SPATS2: variants seen among roughly 807,000 people sequenced by gnomAD.
SPATS2 encodes the protein spermatogenesis associated serine rich 2, also known as spermatogenesis-associated serine-rich protein 2.
Under a neutral mutation model 63.7 loss-of-function variants are expected in SPATS2, and 38 were observed. That is an observed-to-expected ratio of 0.60 (90% confidence interval 0.46 to 0.78). SPATS2 has a LOEUF of 0.78. SPATS2 is among the 30% of genes least tolerant of loss of function. The pLI, the probability that SPATS2 is intolerant of heterozygous loss-of-function variation, is 0.00. For missense variants in SPATS2, 588 were observed against 666.2 expected (o/e 0.88, Z 1.29); for synonymous variants, 207 against 232.9 (o/e 0.89, Z 1.01).
chr12:49,503,298 T>C (rs1261769704), intron 9 of SPATS2, among the ~76,000 whole-genome samples: 3 of 145,288 alleles, frequency 2.1e-5, no homozygotes, highest in African/African-American at 5.1e-5. Flanking sequence ...TGCAGTGAGC[T>C]GAGATCGCGC....
At chr12:49,426,461 C>T (rs59113232) in intron 2 of SPATS2, among the ~76,000 whole-genome samples, 1 of 152,294 alleles carries the variant, frequency 6.6e-6, no homozygotes, top group East Asian at 1.9e-4. Flanking sequence ...GCAGCATGCA[C>T]TATTTTGCAC....
chr12:49,398,890 G>T (rs1409727575), intron 2 of SPATS2, among the ~76,000 whole-genome samples: 1 of 152,136 alleles, frequency 6.6e-6, no homozygotes, highest in Non-Finnish European at 1.5e-5. Flanking sequence ...GTTTGAAAAG[G>T]TCTATTTCTG....
chr12:49,481,182 A>G (rs1179607176), intron 3 of SPATS2, among the ~76,000 whole-genome samples: 8 of 152,196 alleles, frequency 5.3e-5, no homozygotes, highest in Non-Finnish European at 2.9e-5. Context: ...CAACATGGTG[A>G]AACCCTGTCT....
At chr12:49,373,430 G>A (rs781574048) in intron 2 of SPATS2, among the ~76,000 whole-genome samples, 4 of 152,202 alleles carry the variant, frequency 2.6e-5, no homozygotes, top group Non-Finnish European at 5.9e-5. Flanking sequence ...TAGGTGGTCT[G>A]TCTGAAACCC....
At chr12:49,454,454 C>T (rs988115762) in intron 2 of SPATS2, 1 of 152,210 alleles carries the variant, frequency 6.6e-6, no homozygotes, top group Non-Finnish European at 1.5e-5. Context: ...GAACAAAACT[C>T]ACTTAAAGTC....
chr12:49,444,593 T>C (rs1014718952), intron 2 of SPATS2, among the ~76,000 whole-genome samples: 2 of 152,100 alleles, frequency 1.3e-5, no homozygotes, highest in Non-Finnish European at 2.9e-5. Flanking sequence ...AGTATATAGA[T>C]ATACCATTAC....
intron 2 of SPATS2, among the ~76,000 whole-genome samples, chr12:49,400,437 CTG>C (rs1326666392): frequency 3.9e-5 from 6 of 152,040 alleles, no homozygotes; most frequent in African/African-American, 1.2e-4. Flanking sequence ...AGTGAGATAA[CTG>C]AGAGTATGTT....
At chr12:49,436,250 G>T (rs1184346970) in intron 2 of SPATS2, among the ~76,000 whole-genome samples, 2 of 149,272 alleles carry the variant, frequency 1.3e-5, no homozygotes, top group East Asian at 2.0e-4. Flanking sequence ...CTCCCGGACG[G>T]GGCGGCTGGC....
chr12:49,525,249 C>T (rs772703190), intron 13 of SPATS2, among the ~76,000 whole-genome samples: 63 of 152,186 alleles, frequency 4.1e-4, no homozygotes, highest in Admixed American at 9.2e-4. Context: ...AAAGCAGCAG[C>T]TCCCTAGAAG....
chr12:49,470,220 C>T (rs1049212377), intron 3 of SPATS2, among the ~76,000 whole-genome samples: 50 of 152,032 alleles, frequency 3.3e-4, no homozygotes, highest in Admixed American at 1.1e-3. Flanking sequence ...TTAGTAGAGA[C>T]GGGTTTTCAT....
chr12:49,481,816 A>T (rs1216646552), intron 3 of SPATS2, among the ~76,000 whole-genome samples: 1 of 151,910 alleles, frequency 6.6e-6, no homozygotes, highest in Non-Finnish European at 1.5e-5. Context: ...TTTTTACCTG[A>T]ACACCCAGGA....
intron 2 of SPATS2, among the ~76,000 whole-genome samples, chr12:49,372,991 T>TGTGTGTGA (rs1366314962): frequency 8.0e-6 from 1 of 124,780 alleles, no homozygotes; most frequent in African/African-American, 3.3e-5. Context: ...TGTGTGTGTG[T>TGTGTGTGA]GATGGAGTTT....
At chr12:49,441,948 A>G (rs11169017) in intron 2 of SPATS2, 44,548 of 152,048 alleles carry the variant, frequency 0.29, 8,783 homozygotes, top group African/African-American at 0.56. Flanking sequence ...AGCGCACACA[A>G]TTCTGACAGG....
At position 49,494,819 on chromosome 12, in the gene SPATS2, A is replaced by T. The variant is rs914843281; in HGVS notation, c.343A>T (p.Ile115Phe). 2 of 1,613,790 alleles carry T rather than the reference A, an allele frequency of 1.2e-6. No homozygotes were observed. Among genetic ancestry groups the T allele is most frequent in the African/African-American group, 2.7e-5 (2 of 75,010 alleles). ...CCCAGATTCCAGTAAATCAGTTTCC[A>T]TTCAAGAGGAACAGTCTGCGCCTTC... ...GIPDSSKSVS[I>F]QEEQSAPSSE... is the part of the protein sequence containing the mutation. Residue 115 changes from isoleucine (I) to phenylalanine (F), a missense_variant, in exon 7 of 14, where the codon ATT (isoleucine) becomes TTT (phenylalanine). Physicochemically the swap from Ile to Phe is conservative, Grantham distance 21. Transcript: ENST00000552918.
At chr12:49,514,741 C>A (rs1265002844) in intron 10 of SPATS2, 128 bp downstream of exon 10, 3 of 761,886 alleles carry the variant, frequency 3.9e-6, no homozygotes, top group African/African-American at 3.5e-5. Flanking sequence ...TAATCTTAAG[C>A]AGTTGCACTG....
chr12:49,488,572 C>T (rs931452745), intron 4 of SPATS2, among the ~76,000 whole-genome samples: 29 of 152,102 alleles, frequency 1.9e-4, no homozygotes, highest in African/African-American at 5.8e-4. Flanking sequence ...GCACGAGAAT[C>T]GCTTGAACCT....
chr12:49,470,140 T>C (rs923569390), intron 3 of SPATS2, among the ~76,000 whole-genome samples: 5 of 152,014 alleles, frequency 3.3e-5, no homozygotes, highest in Non-Finnish European at 7.4e-5. Flanking sequence ...CAAGTGATTC[T>C]CCTGTCTCAG....
intron 4 of SPATS2, among the ~76,000 whole-genome samples, chr12:49,487,091 T>C (rs565458328): frequency 1.3e-4 from 20 of 152,304 alleles, no homozygotes; most frequent in African/African-American, 4.8e-4. Flanking sequence ...ATATTACTAC[T>C]ATGTTACTAA....
chr12:49,454,299 A>G (rs1287387501), intron 2 of SPATS2: 2 of 152,316 alleles, frequency 1.3e-5, no homozygotes, highest in African/African-American at 4.8e-5. Context: ...TTCTCAAGCC[A>G]TCCGCTTCAG....
Sources: gnomAD v4.1 joint callset for allele counts (sites outside exome capture counted in the v4.1 genomes callset) on GRCh38, gnomAD v4.1.1 for gene constraint, MANE v1.5 for transcripts, NCBI Gene and HGNC (gene_info 2026-07-23, HGNC 2026-07-21) for gene names.